Variants in CNBD1 observed in about 807,000 individuals in gnomAD.
CNBD1 encodes cyclic nucleotide binding domain containing 1.
CNBD1 carries 71 observed loss-of-function variants against 54.4 expected under a neutral mutation model. The ratio of observed to expected loss-of-function variants is 1.30; its 90% CI spans 1.08 to 1.59. The LOEUF is 1.59. CNBD1 is among the 40% of genes most tolerant of loss of function. The pLI, the probability that CNBD1 is intolerant of heterozygous loss-of-function variation, is 0.00. For missense variants in CNBD1, 659 were observed against 518.0 expected, an observed-to-expected ratio of 1.27 and a Z score of -2.64; for synonymous variants, 182 against 170.7, an observed-to-expected ratio of 1.07 and a Z score of -0.51.
downstream of CNBD1, among the ~76,000 whole-genome samples, chr8:87,384,606 AC>A (rs1272164906): frequency 3.3e-5 from 5 of 152,214 alleles, no homozygotes; most frequent in African/African-American, 1.2e-4. Flanking sequence ...TGAAAGACTA[AC>A]AAACACTTTC....
intron 10 of CNBD1, among the ~76,000 whole-genome samples, chr8:87,360,390 C>T (rs560788158): frequency 4.9e-4 from 74 of 151,904 alleles, no homozygotes; most frequent in African/African-American, 1.4e-3. Context: ...GCATCCTTCT[C>T]AGACATTGCC....
At chr8:87,032,634 A>T (rs1809819529) in intron 4 of CNBD1, among the ~76,000 whole-genome samples, 1 of 152,178 alleles carries the variant, frequency 6.6e-6, no homozygotes, top group African/African-American at 2.4e-5. Context: ...GATACTCTGT[A>T]ACTTCACAGA....
At chr8:86,982,268 C>G (rs1439939402) in intron 4 of CNBD1, among the ~76,000 whole-genome samples, 1 of 152,064 alleles carries the variant, frequency 6.6e-6, no homozygotes, top group East Asian at 1.9e-4. Context: ...TTTTTATGTA[C>G]TCTGGAAACA....
intron 3 of CNBD1, among the ~76,000 whole-genome samples, chr8:86,938,048 CTT>C (rs1809582688): frequency 6.6e-6 from 1 of 152,164 alleles, no homozygotes; most frequent in Non-Finnish European, 1.5e-5. Flanking sequence ...CTCTTGAACA[CTT>C]TGCAGCATAG....
chr8:87,277,931 G>T (rs1002437546), intron 6 of CNBD1, among the ~76,000 whole-genome samples: 1 of 151,468 alleles, frequency 6.6e-6, no homozygotes, highest in African/African-American at 2.4e-5. Flanking sequence ...GGAGTTATTA[G>T]TTCACAATAA....
intron 4 of CNBD1, among the ~76,000 whole-genome samples, chr8:87,002,492 C>A (rs1329620032): frequency 6.6e-6 from 1 of 152,168 alleles, no homozygotes; most frequent in Non-Finnish European, 1.5e-5. Flanking sequence ...AATAACCCAG[C>A]CCTTCATTCT....
intron 2 of CNBD1, among the ~76,000 whole-genome samples, chr8:87,420,547 C>T (rs554307086): frequency 1.2e-4 from 19 of 152,174 alleles, no homozygotes; most frequent in East Asian, 7.8e-4. Context: ...TCGGAGATGA[C>T]ATCTTCCCAC....
At chr8:86,987,318 A>T (rs1808630950) in intron 4 of CNBD1, among the ~76,000 whole-genome samples, 1 of 152,070 alleles carries the variant, frequency 6.6e-6, no homozygotes, top group Admixed American at 6.6e-5. Flanking sequence ...CTTGAACCTT[A>T]TTGGACATAG....
rs186963768 is a variant in CNBD1, at chr8:87,327,574, C to T, written c.1043-24111C>T. On this transcript the variant is annotated intron_variant, in intron 8 of 10. Transcript: ENST00000518476. ...TGGGAGTGACCCGATTTTCCAGGTG[C>T]GTCAGTCACCCCTTTTTTGACTCAG... Among the ~76,000 whole-genome samples, 20 of 152,274 alleles carry T rather than the reference C, an allele frequency of 1.3e-4. No homozygotes were observed. In the East Asian group the frequency reaches 3.3e-3, roughly 25 times the overall value.
intron 4 of CNBD1, among the ~76,000 whole-genome samples, chr8:87,050,650 T>A (rs943596861): frequency 1.3e-5 from 2 of 152,170 alleles, no homozygotes; most frequent in African/African-American, 4.8e-5. Flanking sequence ...ATTCTTTAGG[T>A]CTAAAACCAT....
intron 10 of CNBD1, among the ~76,000 whole-genome samples, chr8:87,363,628 T>A (rs565908943): frequency 1.3e-5 from 2 of 151,956 alleles, no homozygotes; most frequent in South Asian, 4.1e-4. Flanking sequence ...TTTTTTCATA[T>A]GTTTGTTAGC....
chr8:87,409,122 A>C (rs563255091), intron 2 of CNBD1, among the ~76,000 whole-genome samples: 2 of 152,314 alleles, frequency 1.3e-5, no homozygotes, highest in African/African-American at 2.4e-5. Flanking sequence ...AGAAAGGCTG[A>C]AAGCTTTTAG....
At chr8:87,073,341 T>A (rs571084356) in intron 4 of CNBD1, among the ~76,000 whole-genome samples, 103 of 152,140 alleles carry the variant, frequency 6.8e-4, no homozygotes, top group Non-Finnish European at 1.2e-3. Flanking sequence ...TTCTGTGCCC[T>A]TGCCGGAGAG....
chr8:87,297,922 T>A (rs1423898772), intron 8 of CNBD1, among the ~76,000 whole-genome samples: 9 of 151,840 alleles, frequency 5.9e-5, no homozygotes, highest in Non-Finnish European at 1.2e-4. Context: ...ATATTTTATC[T>A]AGAATTCTAT....
chr8:86,928,857 C>T (rs559222192), intron 3 of CNBD1, among the ~76,000 whole-genome samples: 3 of 152,246 alleles, frequency 2.0e-5, no homozygotes, highest in South Asian at 2.1e-4. Flanking sequence ...GTTCTCAATA[C>T]CCATATGAAA....
chr8:87,109,520 G>GTTTC lies in CNBD1; in HGVS notation c.432-96453_432-96450dup, dbSNP rs201936600. On this transcript the variant is annotated intron_variant, in intron 4 of 10. Coordinates refer to ENST00000518476, the MANE Select transcript of CNBD1 (RefSeq NM_173538.3). The stretch of plus-strand genomic sequence containing the variant: ...TTGGAAAATTTAAAAGTCAGGGTTT[G>GTTTC]TTTCTTTCTTTCTTTCTTTCTTTTT... 1.8e-3 allele frequency among the ~76,000 whole-genome samples: 258 copies of GTTTC among 140,812 alleles called. 2 individuals are homozygous for GTTTC. The highest frequency in any genetic ancestry group is 7.5e-3 in the Middle Eastern group (2 of 268). 92.4% of individuals were successfully genotyped at this position (140,812 alleles called of 152,430 possible).
chr8:87,257,457 G>A (rs966716725), intron 6 of CNBD1, among the ~76,000 whole-genome samples: 1 of 150,508 alleles, frequency 6.6e-6, no homozygotes. Context: ...TGTACCTGAA[G>A]CTTTGATTGT....
At chr8:86,916,955 C>T (rs936841454) in intron 3 of CNBD1, among the ~76,000 whole-genome samples, 2 of 151,640 alleles carry the variant, frequency 1.3e-5, no homozygotes, top group African/African-American at 4.9e-5. Context: ...ACTGCACCCT[C>T]CACCTCCTGG....
At chr8:87,276,820 A>G (rs893604131) in intron 6 of CNBD1, among the ~76,000 whole-genome samples, 1 of 144,738 alleles carries the variant, frequency 6.9e-6, no homozygotes, top group Non-Finnish European at 1.5e-5. Context: ...TGCAAGCATC[A>G]TAAGGATAAA....
Sources: allele counts gnomAD v4.1 joint callset (sites outside exome capture counted in the v4.1 genomes callset), GRCh38; gene constraint gnomAD v4.1.1; transcripts MANE v1.5; gene names NCBI Gene and HGNC (gene_info 2026-07-23, HGNC 2026-07-21).